The following HNRNPR variants were observed in gnomAD, a reference collection of about 807,000 sequenced individuals.
HNRNPR encodes the protein heterogeneous nuclear ribonucleoprotein R.
Under a neutral mutation model 70.3 loss-of-function variants are expected in HNRNPR, and 4 were observed. The observed-to-expected ratio is 0.06, with a 90% CI of 0.03 to 0.13. The LOEUF (loss-of-function observed/expected upper bound fraction) is 0.13. Among genes scored for constraint, HNRNPR ranks in the 10% least tolerant of loss-of-function variants. The pLI is 1.00. For missense variants in HNRNPR, 423 were observed against 788.5 expected (o/e 0.54, Z 5.55); for synonymous variants, 241 against 267.6 (o/e 0.90, Z 0.97).
intron 4 of HNRNPR, among the ~76,000 whole-genome samples, chr1:23,336,010 G>A (rs533751048): frequency 6.1e-5 from 9 of 148,646 alleles, no homozygotes; most frequent in Admixed American, 2.7e-4. Context: ...CCAGCTACTC[G>A]GGAGGCTGAG....
rs1287543910 is a variant in HNRNPR at position 23,308,013 on chromosome 1, GCTCTGAATCTATTTT to G, written c.*2426_*2440del. ...TAGATTTATTTATGTGAAAAGTTGA[GCTCTGAATCTATTTT>G]CTCTGAATGCTGCTACAGTGTTAAT... On this transcript the variant is annotated 3_prime_UTR_variant, in exon 11 of 11. Coordinates refer to ENST00000302271, the MANE Select transcript of HNRNPR (RefSeq NM_005826.5). 1.3e-5 allele frequency: 2 copies of G among 151,896 alleles called. No individual in the cohort carries two copies. The highest frequency in any genetic ancestry group is 2.4e-5 in the African/African-American group (1 of 41,388). The allele number at this position is 151,896 out of a possible 1,614,324, so 9.4% of individuals were successfully genotyped here. A position where few individuals can be genotyped will look rare whatever the true frequency, so the allele number is the denominator to read the frequency against.
chr1:23,335,049 C>G (rs993311624), intron 4 of HNRNPR, among the ~76,000 whole-genome samples: 1 of 152,146 alleles, frequency 6.6e-6, no homozygotes, highest in African/African-American at 2.4e-5. Flanking sequence ...TCCCAAGTAG[C>G]TGGGACTACA....
intron 9 of HNRNPR, among the ~76,000 whole-genome samples, chr1:23,313,309 G>A (rs1569898118): frequency 1.3e-5 from 2 of 152,068 alleles, no homozygotes; most frequent in East Asian, 1.9e-4. Context: ...TCATGCTATC[G>A]AATCTTACAA....
At chr1:23,336,932 A>G (rs987171313) in intron 4 of HNRNPR, among the ~76,000 whole-genome samples, 2 of 152,218 alleles carry the variant, frequency 1.3e-5, no homozygotes, top group Non-Finnish European at 2.9e-5. Context: ...GTTCATGGTT[A>G]TATAGTTCTT....
chr1:23,325,899 C>T (rs187952492), intron 5 of HNRNPR, among the ~76,000 whole-genome samples: 3 of 152,142 alleles, frequency 2.0e-5, no homozygotes, highest in African/African-American at 7.2e-5. Context: ...CTCACCTTGT[C>T]GCCCAGGCTG....
intron 2 of HNRNPR, 43 bp from the exon 3 acceptor site, chr1:23,338,651 G>T (rs368181372): frequency 2.1e-6 from 2 of 936,592 alleles, no homozygotes. Flanking sequence ...GCAACAAAAG[G>T]GGTAATCTAA....
intron 7 of HNRNPR, among the ~76,000 whole-genome samples, chr1:23,321,095 G>A (rs1014423272): frequency 1.4e-5 from 2 of 143,048 alleles, no homozygotes; most frequent in South Asian, 2.2e-4. Flanking sequence ...CCAAGGAGGC[G>A]GAGGTTGCAG....
In HNRNPR at chr1:23,311,221, T is replaced by C. The variant is rs749504544; in HGVS notation, c.1269A>G (p.Arg423=). 10 of 1,613,844 alleles carry C rather than the reference T, an allele frequency of 6.2e-6. No homozygotes were observed. The Admixed American group carries it at 1.5e-4, about 24-fold the overall frequency. The change falls in exon 10 of 11, where the codon AGA becomes AGG. Residue 423 remains arginine (R), a synonymous_variant. Transcript: ENST00000302271. ...CTCACGCAGTGCTTCTGGAGGCCTG[T>C]CTAGCAGCTTGGCGCTCTTTCCTTT... is the stretch of plus-strand genomic sequence containing the variant. ...DKKRKERQAA[R]QASRSTAYED...
At chr1:23,331,834 T>TTA (rs1404013850) in intron 5 of HNRNPR, among the ~76,000 whole-genome samples, 2 of 59,242 alleles carry the variant, frequency 3.4e-5, no homozygotes, top group Admixed American at 2.9e-4. Flanking sequence ...ACTGTTTCTT[T>TTA]AAAAAAAAAA....
In HNRNPR at chr1:23,305,669, TATAAG is replaced by T. The variant is rs1361111511; in HGVS notation, c.*4780_*4784del. The T allele has an allele frequency of 1.3e-5, 2 of 152,156 alleles. No homozygotes were observed. Among genetic ancestry groups the T allele is most frequent in the African/African-American group, 2.4e-5 (1 of 41,452 alleles). 9.4% of individuals were successfully genotyped at this position (152,156 alleles called of 1,614,324 possible). On this transcript the variant is annotated 3_prime_UTR_variant, in exon 11 of 11. Coordinates refer to ENST00000302271, the MANE Select transcript of HNRNPR (RefSeq NM_005826.5). ...TACCATCATGGAATCCCCTACAAAC[TATAAG>T]ATGAGGGATTTTAATCTTTAGCAAT...
intron 8 of HNRNPR, among the ~76,000 whole-genome samples, chr1:23,316,624 A>G (rs1645557624): frequency 6.6e-6 from 1 of 152,192 alleles, no homozygotes; most frequent in Non-Finnish European, 1.5e-5. Context: ...ATTTTTACAG[A>G]AAAAGTAATA....
At chr1:23,338,734 T>C in intron 2 of HNRNPR, 126 bp from the exon 3 acceptor site, 1 of 503,616 alleles carries the variant, frequency 2.0e-6, no homozygotes, top group Non-Finnish European at 3.6e-6. Context: ...CATTTAACTA[T>C]ATGCATATAC....
At chr1:23,338,068 A>G (rs745884437) in intron 3 of HNRNPR, 17 of 456,796 alleles carry the variant, frequency 3.7e-5, no homozygotes, top group Middle Eastern at 5.0e-4. Flanking sequence ...CTTACCTTCT[A>G]CCCTGGGAAA....
rs1008686020 is a variant in HNRNPR at position 23,307,325 on chromosome 1, T to G, written c.*3129A>C. On this transcript the variant is annotated 3_prime_UTR_variant, in exon 11 of 11. Transcript: ENST00000302271. ...ATGGCTTTATGCTAGGAGTGAAATTTTATGTCCCTTCTCTTTTAGAATTTA... is the reference window on the plus strand; with the variant it reads ...ATGGCTTTATGCTAGGAGTGAAATTGTATGTCCCTTCTCTTTTAGAATTTA... 3 of 152,076 alleles carry G rather than the reference T, an allele frequency of 2.0e-5. No individual in the cohort carries two copies. Among genetic ancestry groups the G allele is most frequent in the African/African-American group, 7.2e-5 (3 of 41,446 alleles). 9.4% of individuals were successfully genotyped at this position (152,076 alleles called of 1,614,324 possible).
chr1:23,341,439 G>C (rs1256975106), intron 1 of HNRNPR, among the ~76,000 whole-genome samples: 1 of 152,072 alleles, frequency 6.6e-6, no homozygotes, highest in Admixed American at 6.6e-5. Context: ...ACTTAATCAA[G>C]ATTTAAGGAC....
At chr1:23,311,088 A>G (rs1233141072) in intron 10 of HNRNPR, 22 bp from the exon 11 acceptor site, 4 of 1,609,720 alleles carry the variant, frequency 2.5e-6, no homozygotes, top group African/African-American at 1.3e-5. Context: ...GAGAAGGGAG[A>G]AAAGAAAAAA....
intron 1 of HNRNPR, among the ~76,000 whole-genome samples, chr1:23,343,814 G>C (rs1317754209): frequency 2.0e-5 from 3 of 151,602 alleles, no homozygotes; most frequent in African/African-American, 7.3e-5. Context: ...CATCCCTCTC[G>C]GGCTAGGCCG....
At chr1:23,335,688 C>A (rs555947608) in intron 4 of HNRNPR, among the ~76,000 whole-genome samples, 1 of 152,126 alleles carries the variant, frequency 6.6e-6, no homozygotes, top group East Asian at 1.9e-4. Flanking sequence ...CCAGATGGCA[C>A]CATCTAGTTG....
At chr1:23,315,422 G>C (rs1645503213) in intron 8 of HNRNPR, among the ~76,000 whole-genome samples, 1 of 151,894 alleles carries the variant, frequency 6.6e-6, no homozygotes, top group South Asian at 2.1e-4. Flanking sequence ...TAACTATTTA[G>C]TAGTACATAT....
Sources: allele counts gnomAD v4.1 joint callset (sites outside exome capture counted in the v4.1 genomes callset), GRCh38; gene constraint gnomAD v4.1.1; transcripts MANE v1.5; gene names NCBI Gene and HGNC (gene_info 2026-07-23, HGNC 2026-07-21).